The following IQSEC3 variants were observed in gnomAD, a reference collection of about 807,000 sequenced individuals.
IQSEC3 encodes IQ motif and SEC7 domain-containing protein 3.
IQSEC3 carries 50 observed loss-of-function variants against 105.4 expected under a neutral mutation model. The ratio of observed to expected loss-of-function variants is 0.47; its 90% CI spans 0.38 to 0.60. The LOEUF (loss-of-function observed/expected upper bound fraction) is 0.60. Ranked by LOEUF, IQSEC3 falls within the 20% of genes least tolerant of loss-of-function variation. IQSEC3 has a pLI of 0.00. For missense variants in IQSEC3, 1,415 were observed against 1,630.0 expected, an observed-to-expected ratio of 0.87 and a Z score of 2.27; for synonymous variants, 708 against 746.0, an observed-to-expected ratio of 0.95 and a Z score of 0.83.
chr12:89,296 T>C (rs534601704), intron 1 of IQSEC3, among the ~76,000 whole-genome samples: 3 of 151,754 alleles, frequency 2.0e-5, no homozygotes, highest in Non-Finnish European at 4.4e-5. Context: ...AAATATAATG[T>C]CTTTTTCTAC....
At chr12:99,080 A>C (rs1178345912) in intron 1 of IQSEC3, 66 bp from the exon 2 acceptor site, 5 of 1,409,222 alleles carry the variant, frequency 3.5e-6, no homozygotes, top group Non-Finnish European at 4.8e-6. Flanking sequence ...GAAATGCTTT[A>C]GTGTCAGGCA....
At chr12:130,342 C>T (rs1049699656) in intron 3 of IQSEC3, among the ~76,000 whole-genome samples, 6 of 152,210 alleles carry the variant, frequency 3.9e-5, no homozygotes, top group Non-Finnish European at 7.3e-5. Flanking sequence ...GCACCATTAC[C>T]GTCCCATTTC....
intron 3 of IQSEC3, among the ~76,000 whole-genome samples, chr12:130,062 C>G (rs1305726733): frequency 6.6e-6 from 1 of 152,328 alleles, no homozygotes; most frequent in Admixed American, 6.5e-5. Context: ...GTGGTGAGGA[C>G]AGGGCACTCC....
intron 1 of IQSEC3, among the ~76,000 whole-genome samples, chr12:91,374 G>A (rs1210480392): frequency 2.0e-5 from 3 of 152,196 alleles, no homozygotes; most frequent in Non-Finnish European, 2.9e-5. Context: ...CTCTGGATGC[G>A]GCTTTCCTGA....
At chr12:76,008 C>A (rs1395681280) in intron 1 of IQSEC3, among the ~76,000 whole-genome samples, 1 of 152,218 alleles carries the variant, frequency 6.6e-6, no homozygotes, top group South Asian at 2.1e-4. Context: ...GCCCTCTACT[C>A]CCTCTGCCCC....
chr12:114,121 G>T (rs1057383032), intron 2 of IQSEC3, among the ~76,000 whole-genome samples: 1 of 152,186 alleles, frequency 6.6e-6, no homozygotes, highest in Non-Finnish European at 1.5e-5. Context: ...GCCTGGAAAG[G>T]TGTCCAGCAT....
At chr12:75,837 A>T (rs1160411968) in intron 1 of IQSEC3, among the ~76,000 whole-genome samples, 12 of 152,372 alleles carry the variant, frequency 7.9e-5, no homozygotes, top group African/African-American at 2.9e-4. Flanking sequence ...CCTGGGTCCA[A>T]CAGCACAGCT....
At chr12:120,195 G>A (rs1865172899) in intron 2 of IQSEC3, among the ~76,000 whole-genome samples, 1 of 152,236 alleles carries the variant, frequency 6.6e-6, no homozygotes, top group Non-Finnish European at 1.5e-5. Flanking sequence ...AGAATTGTTA[G>A]AGCATAGAGG....
intron 9 of IQSEC3, 49 bp from the exon 10 acceptor site, chr12:165,385 C>G: frequency 7.0e-7 from 1 of 1,424,260 alleles, no homozygotes. Context: ...ATCCATGTGT[C>G]CGTGAGTGTC....
chr12:138,872 G>C lies in IQSEC3; in HGVS notation c.1509G>C (p.Thr503=), dbSNP rs781815768. The part of the protein sequence containing the change: ...ANQNISVSSS[T]ALSVANCLGA... The stretch of plus-strand genomic sequence containing the variant: ...AGAACATATCCGTCTCCTCCTCCAC[G>C]GCTCTGTCGGTGGCCAACTGCCTGG... Residue 503 remains threonine (T), a synonymous_variant, in exon 4 of 14, where the codon ACG becomes ACC. Transcript: ENST00000538872. This position sits in a 1 kb window ranked among gnomAD's most constrained non-coding sequence, Gnocchi z 7.1. 38 of 1,611,854 alleles carry C rather than the reference G, an allele frequency of 2.4e-5. No homozygotes were observed. The highest frequency in any genetic ancestry group is 3.1e-5 in the Non-Finnish European group (36 of 1,179,302).
chr12:134,760 C>T lies in IQSEC3; in HGVS notation c.904-3507C>T, dbSNP rs372105458. 3.3e-5 allele frequency among the ~76,000 whole-genome samples: 5 copies of T among 149,256 alleles called. No individual in the cohort carries two copies. The South Asian group carries it at 1.1e-3, about 31-fold the overall frequency. Reference sequence around the variant, plus strand: ...AAAAAATACAAAAGTTAGCCAGGCACAGTGGCACATGCCTGTAATCCCAGC... The same window carrying T: ...AAAAAATACAAAAGTTAGCCAGGCATAGTGGCACATGCCTGTAATCCCAGC... On this transcript the variant is annotated intron_variant, in intron 3 of 13. Coordinates refer to ENST00000538872, the MANE Select transcript of IQSEC3 (RefSeq NM_001170738.2).
Position 169,007 on chromosome 12 carries a change from C to T in IQSEC3, c.2972-6C>T, listed in dbSNP as rs2137065336. On this transcript the variant is annotated splice_region_variant and splice_polypyrimidine_tract_variant and intron_variant, in intron 11 of 13. Transcript: ENST00000538872. ...TCTCTTGCTCACGGGCCTCTGCATT[C>T]CTTAGGGGAGCTGGAGAAGCAGCAG... is the stretch of plus-strand genomic sequence containing the variant. The T allele has an allele frequency of 6.2e-7, 1 of 1,613,778 alleles. No individual in the cohort carries two copies. Among genetic ancestry groups the T allele is most frequent in the African/African-American group, 1.3e-5 (1 of 75,040 alleles).
intron 1 of IQSEC3, among the ~76,000 whole-genome samples, chr12:85,624 CG>C (rs1863892904): frequency 6.6e-6 from 1 of 152,140 alleles, no homozygotes; most frequent in Admixed American, 6.5e-5. Flanking sequence ...GGCTGAGTGG[CG>C]GGGTGAGCAT....
At position 95,125 on chromosome 12, in the gene IQSEC3, C is replaced by T. The variant is rs554192837; in HGVS notation, c.555-4021C>T. 5.3e-5 allele frequency among the ~76,000 whole-genome samples: 8 copies of T among 152,304 alleles called. No individual in the cohort carries two copies. The East Asian group carries it at 1.5e-3, about 29-fold the overall frequency. ...AAAGATGTTTAGGTTTCAGACAGTT[C>T]TCTAAAGTCTTTGATTTGCCCCGGG... On this transcript the variant is annotated intron_variant, in intron 1 of 13. Transcript: ENST00000538872.
rs990061135 is a variant in IQSEC3 at position 139,199 on chromosome 12, G to A, written c.1836G>A (p.Glu612=). 2 of 1,591,770 alleles carry A rather than the reference G, an allele frequency of 1.3e-6. No individual in the cohort carries two copies. The highest frequency in any genetic ancestry group is 1.3e-5 in the African/African-American group (1 of 74,164). The change falls in exon 4 of 14, where the codon GAG becomes GAA. Residue 612 remains glutamate, a synonymous_variant. Transcript: ENST00000538872. ...TSTKSAKSGS[E]ASASASKDAL... is the part of the protein sequence containing the mutation. The stretch of plus-strand genomic sequence containing the variant: ...CCAAGTCCGCCAAGTCAGGCTCGGA[G>A]GCGTCGGCCTCCGCCTCCAAGGACG...
At chr12:120,548 C>T (rs1865185306) in intron 2 of IQSEC3, among the ~76,000 whole-genome samples, 1 of 152,158 alleles carries the variant, frequency 6.6e-6, no homozygotes, top group South Asian at 2.1e-4. Flanking sequence ...AGGGCACCAT[C>T]TGTGTGCCAG....
chr12:109,584 G>A (rs1462467144), intron 2 of IQSEC3, among the ~76,000 whole-genome samples: 1 of 151,284 alleles, frequency 6.6e-6, no homozygotes, highest in African/African-American at 2.4e-5. Context: ...CAGGCAGCCT[G>A]ATCCTAAACT....
At chr12:143,612 GTTCAT>G (rs1565431808) in intron 5 of IQSEC3, 1 of 154,376 alleles carries the variant, frequency 6.5e-6, no homozygotes, top group East Asian at 1.9e-4. Context: ...GGGTGCCAGA[GTTCAT>G]GCAGGGCAGT....
At chr12:85,625 G>A (rs189910585) in intron 1 of IQSEC3, among the ~76,000 whole-genome samples, 7 of 152,296 alleles carry the variant, frequency 4.6e-5, no homozygotes, top group South Asian at 4.1e-4. Flanking sequence ...GCTGAGTGGC[G>A]GGGTGAGCAT....
Sources: allele counts gnomAD v4.1 joint callset (sites outside exome capture counted in the v4.1 genomes callset), GRCh38; gene constraint gnomAD v4.1.1; non-coding constraint Gnocchi (gnomAD v3.1); transcripts MANE v1.5; gene names NCBI Gene and HGNC (gene_info 2026-07-23, HGNC 2026-07-21).